Variants in ZNF334 observed in about 807,000 individuals in gnomAD.
ZNF334 encodes the protein zinc finger protein 334.
ZNF334 carries 14 observed loss-of-function variants against 12.4 expected under a neutral mutation model. That is an observed-to-expected ratio of 1.13 (90% confidence interval 0.74 to 1.76). The LOEUF is 1.76. Ranked by LOEUF, ZNF334 falls within the 40% of genes most tolerant of loss-of-function variation. The pLI is 0.00. For missense variants in ZNF334, 797 were observed against 804.5 expected (o/e 0.99, Z 0.11); for synonymous variants, 273 against 269.6 (o/e 1.01, Z -0.12).
the ZNF334 span, among the ~76,000 whole-genome samples, chr20:46,479,336 A>C: frequency 1.6e-4 from 25 of 152,254 alleles, no homozygotes; most frequent in South Asian, 4.8e-3. Context: ...TGTAAGCCAA[A>C]ACAAAAATCC....
chr20:46,492,356 CA>C, the ZNF334 span: 1 of 152,948 alleles, frequency 6.5e-6, no homozygotes, highest in East Asian at 1.9e-4. Context: ...CTTTACTAAA[CA>C]TCAGAAAACC....
chr20:46,502,246 C>T lies in ZNF334; in HGVS notation c.1093G>A (p.Val365Ile), dbSNP rs766913010. The T allele has an allele frequency of 6.2e-7, 1 of 1,613,920 alleles. No individual in the cohort carries two copies. The highest frequency in any genetic ancestry group is 2.2e-5 in the East Asian group (1 of 44,856). ...CCTCTGTGAGTTCTTTGATGTACAA[C>T]AAGATACGATTTCTTGCTGAAGGCA... The part of the protein sequence containing the change: ...GNAFSKKSYL[V>I]VHQRTHRGEK... Residue 365 changes from valine (V) to isoleucine (I), a missense_variant, in exon 5 of 5, where the codon GTT (valine) becomes ATT (isoleucine). Coordinates refer to ENST00000692313, the MANE Select transcript of ZNF334 (RefSeq NM_001353824.2).
chr20:46,465,006 C>G, the ZNF334 span: 1 of 393,080 alleles, frequency 2.5e-6, no homozygotes, highest in East Asian at 6.4e-5. Context: ...AACACAGTAC[C>G]GTCGCTGAAA....
the ZNF334 span, among the ~76,000 whole-genome samples, chr20:46,470,904 C>T: frequency 3.9e-5 from 6 of 152,138 alleles, no homozygotes; most frequent in African/African-American, 1.4e-4. Flanking sequence ...CATTATAGTG[C>T]TGCTATGAAC....
chr20:46,478,081 T>C, the ZNF334 span, among the ~76,000 whole-genome samples: 1 of 152,320 alleles, frequency 6.6e-6, no homozygotes, highest in South Asian at 2.1e-4. Context: ...GCACTCTCTC[T>C]CCCTTTCCTC....
chr20:46,492,235 T>TA, the ZNF334 span: 2 of 152,538 alleles, frequency 1.3e-5, no homozygotes, highest in Admixed American at 6.6e-5. Context: ...GCAGTAGTTG[T>TA]AAAAAAACCT....
the ZNF334 span, among the ~76,000 whole-genome samples, chr20:46,493,113 A>G: frequency 1.3e-5 from 2 of 151,840 alleles, no homozygotes; most frequent in Non-Finnish European, 2.9e-5. Context: ...AAACTGTTAA[A>G]TGTATTCAAC....
the ZNF334 span, among the ~76,000 whole-genome samples, chr20:46,473,729 A>G: frequency 6.6e-6 from 1 of 152,236 alleles, no homozygotes; most frequent in African/African-American, 2.4e-5. Context: ...CTGCTCCCTC[A>G]TGGAGTGTAC....
At chr20:46,477,491 AC>A in the ZNF334 span, among the ~76,000 whole-genome samples, 1 of 152,118 alleles carries the variant, frequency 6.6e-6, no homozygotes, top group African/African-American at 2.4e-5. Context: ...GGCACATGCC[AC>A]CATACCTGGA....
chr20:46,495,437 C>A (rs532805268), downstream of ZNF334, among the ~76,000 whole-genome samples: 1 of 151,626 alleles, frequency 6.6e-6, no homozygotes, highest in South Asian at 2.1e-4. Context: ...AATGCTTTAA[C>A]CCTTTTAAAG....
At chr20:46,504,853 T>A in intron 2 of ZNF334, 113 bp from the exon 3 acceptor site, 1 of 920,306 alleles carries the variant, frequency 1.1e-6, no homozygotes, top group Non-Finnish European at 1.6e-6. Context: ...TAGAGAGATG[T>A]AATTGTGGGA....
At position 46,502,457 on chromosome 20, in the gene ZNF334, T is replaced by C. The variant is rs1426552471; in HGVS notation, c.882A>G (p.Glu294=). 4 of 1,613,972 alleles carry C rather than the reference T, an allele frequency of 2.5e-6. No individual in the cohort carries two copies. The African/African-American group carries it at 5.3e-5, about 22-fold the overall frequency. The change falls in exon 5 of 5, where the codon GAA becomes GAG. Residue 294 remains glutamate, a synonymous_variant. Coordinates refer to ENST00000692313, the MANE Select transcript of ZNF334 (RefSeq NM_001353824.2). Reference sequence around the variant, plus strand: ...TGAAGGTTTTCCTGCATTCACTGCATTCATAGGGTCTCTCTCCAGTATGAA... The same window carrying C: ...TGAAGGTTTTCCTGCATTCACTGCACTCATAGGGTCTCTCTCCAGTATGAA... The part of the protein sequence containing the change: ...RRIHTGERPY[E]CSECRKTFID...
At chr20:46,480,534 G>A in the ZNF334 span, among the ~76,000 whole-genome samples, 1 of 152,060 alleles carries the variant, frequency 6.6e-6, no homozygotes, top group Non-Finnish European at 1.5e-5. Flanking sequence ...CTGGGTGTGT[G>A]TTATATGACA....
downstream of ZNF334, among the ~76,000 whole-genome samples, chr20:46,496,361 C>T (rs2061024534): frequency 6.6e-6 from 1 of 152,144 alleles, no homozygotes; most frequent in Non-Finnish European, 1.5e-5. Context: ...TTCCTGGGGC[C>T]ATTTCTGGTA....
chr20:46,476,156 T>C, the ZNF334 span: 1 of 152,250 alleles, frequency 6.6e-6, no homozygotes. Context: ...CCAGAAGTTA[T>C]ATACTGCATG....
chr20:46,474,677 G>A, the ZNF334 span: 1 of 152,132 alleles, frequency 6.6e-6, no homozygotes, highest in Non-Finnish European at 1.5e-5. Flanking sequence ...GCATGTTGGG[G>A]CTAAAGCAAA....
the ZNF334 span, among the ~76,000 whole-genome samples, chr20:46,469,735 T>G: frequency 1.3e-5 from 2 of 152,092 alleles, no homozygotes; most frequent in East Asian, 1.9e-4. Flanking sequence ...GAGACTGTTT[T>G]CTTGTAGATT....
At chr20:46,483,118 A>G in the ZNF334 span, among the ~76,000 whole-genome samples, 1 of 152,192 alleles carries the variant, frequency 6.6e-6, no homozygotes, top group African/African-American at 2.4e-5. Flanking sequence ...AAAACACTGG[A>G]TAGTATCCAG....
the ZNF334 span, among the ~76,000 whole-genome samples, chr20:46,469,889 A>G: frequency 1.3e-5 from 2 of 152,016 alleles, no homozygotes; most frequent in Non-Finnish European, 2.9e-5. Flanking sequence ...CCATCACACT[A>G]CAGTACCACA....
Sources: allele counts gnomAD v4.1 joint callset (sites outside exome capture counted in the v4.1 genomes callset), GRCh38; gene constraint gnomAD v4.1.1; transcripts MANE v1.5; gene names NCBI Gene and HGNC (gene_info 2026-07-23, HGNC 2026-07-21).